FANK1: variants seen among roughly 807,000 people sequenced by gnomAD.
FANK1 encodes fibronectin type III and ankyrin repeat domains 1.
Under a neutral mutation model 45.3 loss-of-function variants are expected in FANK1, and 44 were observed. That is an observed-to-expected ratio of 0.97 (90% CI 0.76 to 1.25). The LOEUF is 1.25. Ranked by LOEUF, FANK1 falls within the 50% of genes most tolerant of loss-of-function variation. The pLI is 0.00. For missense variants in FANK1, 391 were observed against 424.4 expected (o/e 0.92, Z 0.69); for synonymous variants, 149 against 152.5 (o/e 0.98, Z 0.17).
rs1226193819 is a variant in FANK1 at position 125,906,363 on chromosome 10, A to C, written c.13+9708A>C. Among the ~76,000 whole-genome samples, 5 of 151,826 alleles carry C rather than the reference A, an allele frequency of 3.3e-5. No homozygotes were observed. In the East Asian group the frequency reaches 9.7e-4, roughly 29 times the overall value. On this transcript the variant is annotated intron_variant, in intron 1 of 10. Coordinates refer to ENST00000368693, the MANE Select transcript of FANK1 (RefSeq NM_145235.5). ...AAACCCCATCTCTATTAAAACTACA[A>C]AAATCAGCTGGGCATGGTGGTGTGT...
intron 1 of FANK1, among the ~76,000 whole-genome samples, chr10:125,944,625 A>T (rs1948655513): frequency 6.6e-6 from 1 of 152,202 alleles, no homozygotes; most frequent in African/African-American, 2.4e-5. Context: ...TACAGGAATG[A>T]GGGCAAGGAA....
At chr10:125,961,769 G>A (rs913854305) in intron 1 of FANK1, among the ~76,000 whole-genome samples, 1 of 152,138 alleles carries the variant, frequency 6.6e-6, no homozygotes, top group South Asian at 2.1e-4. Context: ...AACATAATGA[G>A]ACCCTGTCTT....
chr10:125,923,597 G>T (rs1372504063), intron 1 of FANK1, among the ~76,000 whole-genome samples: 1 of 151,922 alleles, frequency 6.6e-6, no homozygotes, highest in African/African-American at 2.4e-5. Context: ...GTACAATCAT[G>T]GCTCACTGCA....
intron 1 of FANK1, among the ~76,000 whole-genome samples, chr10:125,968,241 G>C (rs1488004375): frequency 2.0e-5 from 3 of 152,048 alleles, no homozygotes; most frequent in Non-Finnish European, 4.4e-5. Flanking sequence ...TACAGATGTT[G>C]GTTGGCCACT....
chr10:125,897,484 G>A (rs1944646243), intron 1 of FANK1, among the ~76,000 whole-genome samples: 1 of 152,058 alleles, frequency 6.6e-6, no homozygotes, highest in African/African-American at 2.4e-5. Context: ...AACCTTTATA[G>A]AAGGATGCAG....
chr10:125,965,795 T>C (rs1272915352), intron 1 of FANK1, among the ~76,000 whole-genome samples: 1 of 152,246 alleles, frequency 6.6e-6, no homozygotes, highest in African/African-American at 2.4e-5. Context: ...TCTTGGGAAG[T>C]ACATTTCCTT....
chr10:125,935,162 C>G (rs1260589461), intron 1 of FANK1, among the ~76,000 whole-genome samples: 1 of 152,186 alleles, frequency 6.6e-6, no homozygotes, highest in East Asian at 1.9e-4. Context: ...CACGGAAAGT[C>G]AGCCTATTTT....
intron 1 of FANK1, among the ~76,000 whole-genome samples, chr10:125,963,441 G>A (rs1407254630): frequency 6.6e-6 from 1 of 152,202 alleles, no homozygotes; most frequent in East Asian, 1.9e-4. Context: ...ACAGACACAT[G>A]CACAGGTACG....
intron 1 of FANK1, among the ~76,000 whole-genome samples, chr10:125,929,230 C>G (rs964415196): frequency 6.6e-6 from 1 of 152,078 alleles, no homozygotes; most frequent in African/African-American, 2.4e-5. Context: ...TATGGGAGAG[C>G]GAGGGGAGGA....
At chr10:125,899,132 C>T (rs1944827643) in intron 1 of FANK1, among the ~76,000 whole-genome samples, 4 of 152,238 alleles carry the variant, frequency 2.6e-5, no homozygotes, top group Admixed American at 2.6e-4. Context: ...GTGATCTTGG[C>T]TTACTGCAAC....
In FANK1 at chr10:125,989,577, C is replaced by G. The variant is rs573652979; in HGVS notation, c.316+902C>G. ...AGCTGTGGTACCTTCAGTTGCAGAC[C>G]TGGCATGAGGGGACAGGATCTGAGT... On this transcript the variant is annotated intron_variant, in intron 3 of 10. Coordinates refer to ENST00000368693, the MANE Select transcript of FANK1 (RefSeq NM_145235.5). The G allele has an allele frequency of 4.0e-5, 28 of 697,644 alleles. 1 individual carries two copies. The East Asian group carries it at 6.5e-4, about 16-fold the overall frequency. 43.2% of individuals were successfully genotyped at this position (697,644 alleles called of 1,614,324 possible).
At chr10:125,897,611 A>G (rs1227670518) in intron 1 of FANK1, among the ~76,000 whole-genome samples, 67 of 152,402 alleles carry the variant, frequency 4.4e-4, no homozygotes, top group African/African-American at 1.5e-3. Context: ...TTTTCCACCA[A>G]GAAAGTTTCA....
chr10:126,006,194 A>G (rs1953184819), intron 7 of FANK1, among the ~76,000 whole-genome samples: 1 of 152,210 alleles, frequency 6.6e-6, no homozygotes, highest in South Asian at 2.1e-4. Context: ...GAGAAAAGTC[A>G]TGTCTCCTGG....
chr10:125,950,199 G>A (rs1949107917), intron 1 of FANK1, among the ~76,000 whole-genome samples: 1 of 150,980 alleles, frequency 6.6e-6, no homozygotes, highest in African/African-American at 2.4e-5. Context: ...TCAGGACATA[G>A]GCATGGGCAA....
At chr10:125,914,033 G>A (rs941086910) in intron 1 of FANK1, among the ~76,000 whole-genome samples, 2 of 152,014 alleles carry the variant, frequency 1.3e-5, no homozygotes, top group African/African-American at 2.4e-5. Flanking sequence ...AATATCATGG[G>A]AATCTCTCTC....
chr10:126,009,193 T>C lies in FANK1; in HGVS notation c.928-29T>C, dbSNP rs749688595. 40 of 1,614,160 alleles carry C rather than the reference T, an allele frequency of 2.5e-5. 1 individual carries two copies. The South Asian group carries it at 4.2e-4, about 17-fold the overall frequency. On this transcript the variant is annotated intron_variant, in intron 9 of 10. Coordinates refer to ENST00000368693, the MANE Select transcript of FANK1 (RefSeq NM_145235.5). ...GAGGGGGAGAAAACATTTATAAGCA[T>C]GTAAAATTTTTGTTGTTTCCTGTTT...
intron 1 of FANK1, among the ~76,000 whole-genome samples, chr10:125,958,080 AT>A (rs1949694460): frequency 6.6e-6 from 1 of 152,004 alleles, no homozygotes; most frequent in Admixed American, 6.6e-5. Flanking sequence ...CTTTCTAGCT[AT>A]TTGAAACTAT....
chr10:125,944,398 G>C (rs891764969), intron 1 of FANK1, among the ~76,000 whole-genome samples: 1 of 152,204 alleles, frequency 6.6e-6, no homozygotes, highest in African/African-American at 2.4e-5. Context: ...TCAATTGGGT[G>C]ATTCCTAGAA....
chr10:125,999,958 T>C (rs538387654), intron 6 of FANK1, among the ~76,000 whole-genome samples: 1 of 152,078 alleles, frequency 6.6e-6, no homozygotes, highest in African/African-American at 2.4e-5. Flanking sequence ...TTAGACTTAA[T>C]AAGGAGGCTC....
Sources: gnomAD v4.1 joint callset for allele counts (sites outside exome capture counted in the v4.1 genomes callset) on GRCh38, gnomAD v4.1.1 for gene constraint, MANE v1.5 for transcripts, NCBI Gene and HGNC (gene_info 2026-07-23, HGNC 2026-07-21) for gene names.